The following PCSK5 variants were observed in gnomAD, a reference collection of about 807,000 sequenced individuals.
PCSK5 encodes proprotein convertase subtilisin/kexin type 5.
In PCSK5, 129 loss-of-function variants were observed where a neutral mutation model predicts 233.2. The observed-to-expected ratio is 0.55, with a 90% CI of 0.48 to 0.64. PCSK5 has a LOEUF of 0.64. PCSK5 is among the 30% of genes least tolerant of loss of function. The probability of loss-of-function intolerance (pLI) is 0.00; values close to 1 mark genes in which losing one functional copy is unlikely to be tolerated. For synonymous variants in PCSK5, 825 were observed against 879.2 expected (o/e 0.94, Z 1.09); for missense variants, 2,076 against 2,430.1 (o/e 0.85, Z 3.06).
chr9:76,316,623 A>T (rs1829039309), intron 30 of PCSK5, among the ~76,000 whole-genome samples: 1 of 151,104 alleles, frequency 6.6e-6, no homozygotes, highest in Non-Finnish European at 1.5e-5. Context: ...CTGTAGTCCT[A>T]GCTACTCAGG....
chr9:76,048,100 C>G (rs1759359054), intron 5 of PCSK5, among the ~76,000 whole-genome samples: 1 of 152,180 alleles, frequency 6.6e-6, no homozygotes, highest in Admixed American at 6.5e-5. Context: ...TCTGAATCCT[C>G]TTTCAACATG....
At position 76,136,417 on chromosome 9, in the gene PCSK5, G is replaced by A. The variant is rs146084556; in HGVS notation, c.1312+2205G>A. ...ATAACATCTGAAAGAACAATAAAGA[G>A]CTAATGGTTAGAAAAGGTTCCTACA... On this transcript the variant is annotated intron_variant, in intron 10 of 37. Coordinates refer to ENST00000674117, the MANE Select transcript of PCSK5 (RefSeq NM_001372043.1). 3.4e-3 allele frequency among the ~76,000 whole-genome samples: 516 copies of A among 152,084 alleles called. 2 individuals are homozygous for A. The highest frequency in any genetic ancestry group is 0.012 in the African/African-American group (487 of 41,514).
In PCSK5 at chr9:76,259,078, G is replaced by A. The variant is rs188005364; in HGVS notation, c.3142+18394G>A. On this transcript the variant is annotated intron_variant, in intron 24 of 37. Transcript: ENST00000674117. ...CATGATGCTTTTACTCTGCCAAGAA[G>A]CCAGTGATCCTTTCCTTGGGAATTC... Among the ~76,000 whole-genome samples, 6 of 152,326 alleles carry A rather than the reference G, an allele frequency of 3.9e-5. No homozygotes were observed. The East Asian group carries it at 1.2e-3, about 29-fold the overall frequency.
chr9:76,214,707 T>C (rs1339728342), intron 20 of PCSK5, among the ~76,000 whole-genome samples: 1 of 152,230 alleles, frequency 6.6e-6, no homozygotes, highest in Non-Finnish European at 1.5e-5. Context: ...ATGGTAATCA[T>C]GAAATAAGTG....
At chr9:76,239,227 A>T (rs1587793260) in intron 23 of PCSK5, 62 bp downstream of exon 23, 1 of 1,376,024 alleles carries the variant, frequency 7.3e-7, no homozygotes. Flanking sequence ...TGCACCCTGG[A>T]TGTCCTGGAG....
At chr9:76,161,404 AGCT>A (rs1467847143) in intron 12 of PCSK5, among the ~76,000 whole-genome samples, 3 of 151,310 alleles carry the variant, frequency 2.0e-5, no homozygotes, top group Non-Finnish European at 2.9e-5. Context: ...AAGTCTCTCC[AGCT>A]GTGGTTACCG....
intron 21 of PCSK5, among the ~76,000 whole-genome samples, chr9:76,228,468 C>A (rs578143728): frequency 2.9e-4 from 44 of 152,326 alleles, no homozygotes; most frequent in African/African-American, 1.0e-3. Context: ...TTGAGATACT[C>A]ATCTTTGATC....
intron 21 of PCSK5, among the ~76,000 whole-genome samples, chr9:76,231,015 A>G (rs1826062288): frequency 6.6e-6 from 1 of 152,076 alleles, no homozygotes; most frequent in East Asian, 1.9e-4. Context: ...CCTTCCATGA[A>G]ACTGGTCTGT....
chr9:75,950,277 T>C (rs2131322046), intron 2 of PCSK5, among the ~76,000 whole-genome samples: 1 of 152,016 alleles, frequency 6.6e-6, no homozygotes, highest in East Asian at 1.9e-4. Context: ...TAACAAGAGA[T>C]ATTAAATTTG....
At chr9:75,921,563 C>T (rs1248120883) in intron 1 of PCSK5, among the ~76,000 whole-genome samples, 2 of 150,004 alleles carry the variant, frequency 1.3e-5, no homozygotes, top group African/African-American at 2.5e-5. Flanking sequence ...CTCTCTATTT[C>T]GTTTGTGTGT....
intron 10 of PCSK5, among the ~76,000 whole-genome samples, chr9:76,153,285 G>A (rs1421773195): frequency 2.6e-5 from 4 of 152,120 alleles, no homozygotes; most frequent in African/African-American, 9.7e-5. Context: ...TAATTATTCT[G>A]TATACATAAC....
At chr9:76,223,479 G>A (rs1236449127) in intron 20 of PCSK5, among the ~76,000 whole-genome samples, 3 of 152,214 alleles carry the variant, frequency 2.0e-5, no homozygotes, top group Non-Finnish European at 4.4e-5. Context: ...GATGGAATAA[G>A]CACAGTAAGC....
intron 24 of PCSK5, among the ~76,000 whole-genome samples, chr9:76,258,926 C>A (rs1331872125): frequency 6.6e-6 from 1 of 152,192 alleles, no homozygotes; most frequent in Non-Finnish European, 1.5e-5. Context: ...TTACCCAAAG[C>A]CATTGTCCAA....
chr9:76,168,413 G>T (rs1214855755), intron 12 of PCSK5, among the ~76,000 whole-genome samples: 1 of 152,162 alleles, frequency 6.6e-6, no homozygotes, highest in Non-Finnish European at 1.5e-5. Context: ...CTCTCAAAGT[G>T]CTGGGATTAC....
intron 20 of PCSK5, among the ~76,000 whole-genome samples, chr9:76,215,660 G>T (rs1291657490): frequency 6.6e-6 from 1 of 152,124 alleles, no homozygotes; most frequent in Non-Finnish European, 1.5e-5. Flanking sequence ...GGTGGCTCAT[G>T]CCTGTAATCC....
intron 2 of PCSK5, among the ~76,000 whole-genome samples, chr9:75,984,318 C>T (rs1376543706): frequency 6.6e-6 from 1 of 152,162 alleles, no homozygotes; most frequent in Non-Finnish European, 1.5e-5. Flanking sequence ...GATAGACTGT[C>T]CTGACCTCTA....
At chr9:76,273,210 C>T (rs1018588454) in intron 24 of PCSK5, among the ~76,000 whole-genome samples, 2 of 152,092 alleles carry the variant, frequency 1.3e-5, no homozygotes, top group Admixed American at 1.3e-4. Flanking sequence ...CTCAAGAAAC[C>T]ATGATTTGAA....
At chr9:75,916,270 G>A (rs556010951) in intron 1 of PCSK5, among the ~76,000 whole-genome samples, 16 of 152,198 alleles carry the variant, frequency 1.1e-4, no homozygotes, top group Admixed American at 2.0e-4. Flanking sequence ...GCTTGGTGTC[G>A]GAAAAATCTT....
chr9:76,135,360 C>A (rs897777656), intron 10 of PCSK5, among the ~76,000 whole-genome samples: 1 of 151,854 alleles, frequency 6.6e-6, no homozygotes, highest in Non-Finnish European at 1.5e-5. Context: ...CCTAGATAAC[C>A]AGTGCCACAT....
Sources: allele counts gnomAD v4.1 joint callset (sites outside exome capture counted in the v4.1 genomes callset), GRCh38; gene constraint gnomAD v4.1.1; transcripts MANE v1.5; gene names NCBI Gene and HGNC (gene_info 2026-07-23, HGNC 2026-07-21).